Variants in SPATA6 observed in about 807,000 individuals in gnomAD.
The protein encoded by SPATA6 is spermatogenesis-associated protein 6.
In SPATA6, 56 loss-of-function variants were observed where a neutral mutation model predicts 65.3. The observed-to-expected ratio is 0.86, with a 90% confidence interval of 0.69 to 1.07. The LOEUF is 1.07. SPATA6 is among the 50% of genes least tolerant of loss of function. The probability of loss-of-function intolerance (pLI) is 0.00; values close to 1 mark genes in which losing one functional copy is unlikely to be tolerated. For missense variants in SPATA6, 590 were observed against 594.8 expected (o/e 0.99, Z 0.08); for synonymous variants, 199 against 213.2 (o/e 0.93, Z 0.58).
At chr1:48,353,915 T>A (rs112220952) in intron 11 of SPATA6, among the ~76,000 whole-genome samples, 22 of 152,068 alleles carry the variant, frequency 1.4e-4, no homozygotes, top group Middle Eastern at 3.4e-3. Flanking sequence ...ATAACTACTT[T>A]TAACCAAAAG....
At chr1:48,427,941 C>A (rs781192492) in intron 3 of SPATA6, among the ~76,000 whole-genome samples, 9 of 152,116 alleles carry the variant, frequency 5.9e-5, no homozygotes, top group Non-Finnish European at 1.0e-4. Context: ...TCCATGTATA[C>A]CCAGTGTTTA....
chr1:48,429,582 A>C (rs896624844), intron 3 of SPATA6, among the ~76,000 whole-genome samples: 1 of 152,138 alleles, frequency 6.6e-6, no homozygotes, highest in African/African-American at 2.4e-5. Flanking sequence ...TTCAACAAAA[A>C]ATAATCATAA....
chr1:48,358,821 T>G (rs1181315613), intron 10 of SPATA6, among the ~76,000 whole-genome samples: 2 of 152,164 alleles, frequency 1.3e-5, no homozygotes, highest in African/African-American at 4.8e-5. Flanking sequence ...TGCCTCCATA[T>G]ATCCACTATG....
At chr1:48,290,604 C>G (rs1644760725), downstream of SPATA6, among the ~76,000 whole-genome samples, 1 of 152,016 alleles carries the variant, frequency 6.6e-6, no homozygotes, top group Non-Finnish European at 1.5e-5. Context: ...GGAGACCCAT[C>G]TCATGTGCAG....
At chr1:48,395,219 T>C (rs928729142) in intron 8 of SPATA6, 48 bp downstream of exon 8, 2 of 1,411,218 alleles carry the variant, frequency 1.4e-6, no homozygotes, top group Non-Finnish European at 1.9e-6. Context: ...AAGGCTTGAT[T>C]GTAGCTCAGG....
chr1:48,455,593 G>A (rs924010197), intron 1 of SPATA6, among the ~76,000 whole-genome samples: 1 of 152,086 alleles, frequency 6.6e-6, no homozygotes. Context: ...TGTTAGCCAG[G>A]ACGGTCTCAA....
At chr1:48,277,170 A>G in the SPATA6 span, among the ~76,000 whole-genome samples, 1 of 144,964 alleles carries the variant, frequency 6.9e-6, no homozygotes, top group Non-Finnish European at 1.5e-5. Context: ...GTTTCGCTGT[A>G]TATGAAATTC....
chr1:48,291,552 G>A (rs138220083), downstream of SPATA6, among the ~76,000 whole-genome samples: 3 of 151,838 alleles, frequency 2.0e-5, no homozygotes, highest in East Asian at 1.9e-4. Context: ...CACACAGCCC[G>A]CAGACGAAAA....
chr1:48,365,241 C>T (rs547522908), intron 9 of SPATA6, among the ~76,000 whole-genome samples: 45 of 152,160 alleles, frequency 3.0e-4, no homozygotes, highest in African/African-American at 1.0e-3. Flanking sequence ...GTGGTGCCTC[C>T]GGGTTTGTTC....
chr1:48,309,843 C>G (rs1384652103), intron 11 of SPATA6, among the ~76,000 whole-genome samples: 2 of 152,156 alleles, frequency 1.3e-5, no homozygotes, highest in African/African-American at 2.4e-5. Flanking sequence ...CGCTTAGAAC[C>G]ATTAAGTCTC....
At chr1:48,356,069 GA>G (rs1184499672) in intron 10 of SPATA6, among the ~76,000 whole-genome samples, 2 of 151,218 alleles carry the variant, frequency 1.3e-5, no homozygotes, top group African/African-American at 2.4e-5. Flanking sequence ...TTTCTGCAGA[GA>G]AAAAAAATAC....
At chr1:48,264,454 T>C in the SPATA6 span, among the ~76,000 whole-genome samples, 1 of 152,164 alleles carries the variant, frequency 6.6e-6, no homozygotes, top group South Asian at 2.1e-4. Flanking sequence ...CGTACCATGG[T>C]GGGTTGCTGC....
intron 1 of SPATA6, among the ~76,000 whole-genome samples, chr1:48,460,101 GCT>G (rs1311088142): frequency 1.3e-5 from 2 of 151,864 alleles, no homozygotes; most frequent in African/African-American, 4.8e-5. Context: ...CTCCCAAGTG[GCT>G]AAGACTACAA....
intron 1 of SPATA6, among the ~76,000 whole-genome samples, chr1:48,471,563 C>T (rs983156089): frequency 6.6e-6 from 1 of 152,148 alleles, no homozygotes; most frequent in African/African-American, 2.4e-5. Context: ...CGCCCACCCC[C>T]AGACTTGGGA....
intron 3 of SPATA6, among the ~76,000 whole-genome samples, chr1:48,447,413 G>A (rs976056894): frequency 3.3e-5 from 5 of 152,162 alleles, no homozygotes; most frequent in Non-Finnish European, 7.3e-5. Context: ...CAGCCACTCA[G>A]GAGGCTGAGG....
At chr1:48,272,077 T>A in the SPATA6 span, among the ~76,000 whole-genome samples, 5 of 152,150 alleles carry the variant, frequency 3.3e-5, no homozygotes, top group African/African-American at 4.8e-5. Flanking sequence ...CATAAAAAAA[T>A]TTATGTAATT....
At chr1:48,325,515 C>G in intron 11 of SPATA6, 1 of 1,223,466 alleles carries the variant, frequency 8.2e-7, no homozygotes, top group Non-Finnish European at 1.2e-6. Flanking sequence ...ATCATCCTCA[C>G]TGAATGTCAC....
intron 3 of SPATA6, among the ~76,000 whole-genome samples, chr1:48,434,693 C>G (rs758962938): frequency 1.3e-5 from 2 of 151,698 alleles, no homozygotes; most frequent in South Asian, 4.2e-4. Flanking sequence ...GGTGCACTTA[C>G]GGGGGTGTGT....
intron 5 of SPATA6, among the ~76,000 whole-genome samples, chr1:48,408,757 CAAAG>C (rs975421863): frequency 2.0e-5 from 3 of 152,134 alleles, no homozygotes; most frequent in Admixed American, 1.3e-4. Context: ...TGGTGGCAGA[CAAAG>C]AGAGAGCTTG....
Sources: gnomAD v4.1 joint callset for allele counts (sites outside exome capture counted in the v4.1 genomes callset) on GRCh38, gnomAD v4.1.1 for gene constraint, MANE v1.5 for transcripts, NCBI Gene and HGNC (gene_info 2026-07-23, HGNC 2026-07-21) for gene names.